Variants in PLS1 observed in about 807,000 individuals in gnomAD.
The protein encoded by PLS1 is plastin 1.
PLS1 carries 32 observed loss-of-function variants against 73.7 expected under a neutral mutation model. The observed-to-expected ratio is 0.43, with a 90% CI of 0.33 to 0.58. PLS1 has a LOEUF of 0.58. Ranked by LOEUF, PLS1 falls within the 20% of genes least tolerant of loss-of-function variation. The pLI is 0.04. For synonymous variants in PLS1, 217 were observed against 261.3 expected (o/e 0.83, Z 1.63); for missense variants, 633 against 740.5 (o/e 0.85, Z 1.68).
intron 1 of PLS1, among the ~76,000 whole-genome samples, chr3:142,620,880 C>T (rs1283260742): frequency 4.6e-5 from 7 of 151,928 alleles, no homozygotes; most frequent in Non-Finnish European, 8.8e-5. Flanking sequence ...TAGCTGGGCG[C>T]GGTGGCAGGT....
chr3:142,645,445 T>G (rs945889844), intron 1 of PLS1: 1 of 152,246 alleles, frequency 6.6e-6, no homozygotes, highest in African/African-American at 2.4e-5. Flanking sequence ...AACTCTGACT[T>G]GGAAGCACGC....
At chr3:142,660,494 C>T (rs145849333) in intron 1 of PLS1, among the ~76,000 whole-genome samples, 38 of 152,230 alleles carry the variant, frequency 2.5e-4, no homozygotes, top group African/African-American at 7.9e-4. Flanking sequence ...TTTCTGACAA[C>T]GTGGTAAATG....
intron 1 of PLS1, among the ~76,000 whole-genome samples, chr3:142,608,933 T>C (rs2036071706): frequency 6.6e-6 from 1 of 152,222 alleles, no homozygotes; most frequent in South Asian, 2.1e-4. Flanking sequence ...AGCAGTTACA[T>C]TGCTCAATGT....
intron 1 of PLS1, among the ~76,000 whole-genome samples, chr3:142,611,724 G>C (rs1180132341): frequency 6.6e-6 from 1 of 152,068 alleles, no homozygotes; most frequent in Non-Finnish European, 1.5e-5. Context: ...CACACATATT[G>C]CTTTTGAGGA....
At chr3:142,603,323 T>A (rs2035959354) in intron 1 of PLS1, among the ~76,000 whole-genome samples, 1 of 152,170 alleles carries the variant, frequency 6.6e-6, no homozygotes, top group Non-Finnish European at 1.5e-5. Flanking sequence ...AGTTAGATGA[T>A]TGGGAGAGTT....
intron 1 of PLS1, among the ~76,000 whole-genome samples, chr3:142,648,354 AG>A (rs1360827260): frequency 6.6e-6 from 1 of 152,168 alleles, no homozygotes; most frequent in Non-Finnish European, 1.5e-5. Context: ...GATTGTTGAA[AG>A]GTTTGGAGTC....
intron 1 of PLS1, among the ~76,000 whole-genome samples, chr3:142,652,012 T>C (rs1560049897): frequency 1.3e-5 from 2 of 151,810 alleles, no homozygotes; most frequent in Non-Finnish European, 2.9e-5. Flanking sequence ...TTCCAGGGGG[T>C]AGGCATTATG....
intron 8 of PLS1, 86 bp downstream of exon 8, chr3:142,684,481 A>G: frequency 1.8e-6 from 2 of 1,092,388 alleles, no homozygotes; most frequent in Non-Finnish European, 2.7e-6. Context: ...AATTTGAATT[A>G]AATTCACAAG....
At chr3:142,692,660 T>G (rs959475970) in intron 10 of PLS1, among the ~76,000 whole-genome samples, 2 of 152,116 alleles carry the variant, frequency 1.3e-5, no homozygotes, top group Non-Finnish European at 2.9e-5. Context: ...GTTTCAGAAC[T>G]CAATCAAAAT....
At chr3:142,662,118 T>C (rs150142832) in intron 1 of PLS1, among the ~76,000 whole-genome samples, 179 of 152,312 alleles carry the variant, frequency 1.2e-3, no homozygotes, top group African/African-American at 4.0e-3. Context: ...TGCACACGTA[T>C]GTTTATTGCG....
intron 14 of PLS1, 49 bp downstream of exon 14, chr3:142,704,635 ATTTTTTTT>A (rs10631186): frequency 0.047 from 12,305 of 261,500 alleles, 193 homozygotes; most frequent in Non-Finnish European, 0.066. Flanking sequence ...ATAGGAAGGA[ATTTTTTTT>A]TTTTTTTTTT....
intron 1 of PLS1, among the ~76,000 whole-genome samples, chr3:142,611,262 A>G (rs2036115679): frequency 6.6e-6 from 1 of 152,174 alleles, no homozygotes; most frequent in Admixed American, 6.5e-5. Flanking sequence ...GAGTTTGTCA[A>G]CCCCTGGTCT....
chr3:142,690,651 T>C (rs553310805), intron 10 of PLS1, among the ~76,000 whole-genome samples: 438 of 152,344 alleles, frequency 2.9e-3, no homozygotes, highest in Non-Finnish European at 5.1e-3. Context: ...TGTGACAAAA[T>C]GTCAAGTAAT....
intron 1 of PLS1, among the ~76,000 whole-genome samples, chr3:142,633,700 A>G (rs1205518914): frequency 6.6e-6 from 1 of 152,156 alleles, no homozygotes; most frequent in African/African-American, 2.4e-5. Flanking sequence ...CATGGTTAAG[A>G]TGGTAAATTT....
At chr3:142,668,116 G>A (rs2037517276) in intron 2 of PLS1, among the ~76,000 whole-genome samples, 1 of 152,182 alleles carries the variant, frequency 6.6e-6, no homozygotes, top group African/African-American at 2.4e-5. Flanking sequence ...TAGCAGATGA[G>A]CAAAGAGAGC....
At chr3:142,612,456 A>G (rs952766318) in intron 1 of PLS1, among the ~76,000 whole-genome samples, 1 of 152,232 alleles carries the variant, frequency 6.6e-6, no homozygotes, top group African/African-American at 2.4e-5. Flanking sequence ...CAAAGGGATC[A>G]TTGTTCATCA....
In PLS1 at chr3:142,618,318, G is replaced by T. The variant is rs114197781; in HGVS notation, c.-37+21809G>T. Among the ~76,000 whole-genome samples, 252 of 152,238 alleles carry T rather than the reference G, an allele frequency of 1.7e-3. 3 individuals carry two copies. The highest frequency in any genetic ancestry group is 5.7e-3 in the African/African-American group (237 of 41,530). On this transcript the variant is annotated intron_variant, in intron 1 of 15. Transcript: ENST00000457734. ...AGCTGTTCTCTCGTGGACAATCCAA[G>T]GCCAAGGTGATAAGAACATCCCATT...
At chr3:142,608,354 ATGT>A (rs1286050245) in intron 1 of PLS1, among the ~76,000 whole-genome samples, 2 of 152,214 alleles carry the variant, frequency 1.3e-5, no homozygotes, top group Non-Finnish European at 2.9e-5. Flanking sequence ...CTTTAAGAGA[ATGT>A]TGTTTTGCTT....
chr3:142,621,330 G>A (rs541865071), intron 1 of PLS1, among the ~76,000 whole-genome samples: 6 of 152,144 alleles, frequency 3.9e-5, no homozygotes, highest in African/African-American at 1.4e-4. Context: ...TTGGATTCAC[G>A]GCTATAATGT....
Sources: gnomAD v4.1 joint callset for allele counts (sites outside exome capture counted in the v4.1 genomes callset) on GRCh38, gnomAD v4.1.1 for gene constraint, MANE v1.5 for transcripts, NCBI Gene and HGNC (gene_info 2026-07-23, HGNC 2026-07-21) for gene names.